The following FAM20A variants were observed in gnomAD, a reference collection of about 807,000 sequenced individuals.
The protein encoded by FAM20A is FAM20A golgi associated secretory pathway pseudokinase.
A neutral mutation model predicts 52.0 loss-of-function variants in FAM20A; 42 were observed. That is an observed-to-expected ratio of 0.81 (90% confidence interval 0.63 to 1.04). The LOEUF is 1.04. Ranked by LOEUF, FAM20A falls within the 50% of genes least tolerant of loss-of-function variation. FAM20A has a pLI of 0.00. For missense variants in FAM20A, 742 were observed against 712.7 expected, an observed-to-expected ratio of 1.04 and a Z score of -0.47; for synonymous variants, 304 against 298.9, an observed-to-expected ratio of 1.02 and a Z score of -0.18.
intron 4 of FAM20A, among the ~76,000 whole-genome samples, chr17:68,549,311 G>A (rs2952313): frequency 0.75 from 114,363 of 152,000 alleles, 44,102 homozygotes; most frequent in African/African-American, 0.93. Context: ...CCTGGCCAAC[G>A]TGGTGAAACC....
Position 68,537,742 on chromosome 17 carries a change from C to G in FAM20A, c.1362-1G>C, listed in dbSNP as rs1209016909. 1 of 1,609,070 alleles carries G rather than the reference C, an allele frequency of 6.2e-7. No individual in the cohort carries two copies. Among genetic ancestry groups the G allele is most frequent in the Non-Finnish European group, 8.5e-7 (1 of 1,177,416 alleles). On this transcript the variant is annotated splice_acceptor_variant, in intron 10 of 10. Transcript: ENST00000592554. LOFTEE classifies it high-confidence loss of function. The surrounding 1 kb of genome is among the most constrained non-coding windows in gnomAD (Gnocchi z 4.2). ...GTGCAAAAGTGTTTTCTTTTTTATC[C>G]TGAAAAGACAAAGTTACAGGAACCA...
In FAM20A at chr17:68,555,454, C is replaced by T. The variant is rs1053244007; in HGVS notation, c.589+105G>A. ...ATATGTTCCTCTTCTCTCAGGTGTC[C>T]ATGTCAAGCCTCTAATGTTCCACTC... is the stretch of plus-strand genomic sequence containing the variant. On this transcript the variant is annotated intron_variant, in intron 2 of 10. Transcript: ENST00000592554. 8 of 1,230,308 alleles carry T rather than the reference C, an allele frequency of 6.5e-6. No individual in the cohort carries two copies. The Admixed American group carries it at 1.2e-4, about 18-fold the overall frequency. The allele number at this position is 1,230,308 out of a possible 1,614,324, so 76.2% of individuals were successfully genotyped here.
At chr17:68,581,487 TTTTTC>T (rs1568774999) in intron 1 of FAM20A, among the ~76,000 whole-genome samples, 3 of 130,786 alleles carry the variant, frequency 2.3e-5, no homozygotes, top group African/African-American at 7.7e-5. Flanking sequence ...TCTTTCTTTC[TTTTTC>T]TTTCTTTCTT....
chr17:68,600,657 G>A lies in FAM20A; in HGVS notation c.10C>T (p.Leu4=). The A allele has an allele frequency of 6.5e-7, 1 of 1,545,856 alleles. No homozygotes were observed. Among genetic ancestry groups the A allele is most frequent in the Non-Finnish European group, 8.7e-7 (1 of 1,152,364 alleles). Residue 4 remains leucine, a synonymous_variant, in exon 1 of 11, where the codon CTG becomes TTG. Coordinates refer to ENST00000592554, the MANE Select transcript of FAM20A (RefSeq NM_017565.4). The surrounding 1 kb of genome is among the most constrained non-coding windows in gnomAD (Gnocchi z 6.2). Reference sequence around the variant, plus strand: ...AGAGTCAGTAGGCGGTCCCGGCGCAGCCCCGGCATGGCGTGCTGGCCAAGG... The same window carrying A: ...AGAGTCAGTAGGCGGTCCCGGCGCAACCCCGGCATGGCGTGCTGGCCAAGG... MPG[L]RRDRLLTLLL...
intron 4 of FAM20A, among the ~76,000 whole-genome samples, chr17:68,549,062 A>G (rs2086711374): frequency 6.6e-6 from 1 of 152,178 alleles, no homozygotes. Flanking sequence ...GACCAGGCAG[A>G]GATGTATTAG....
At position 68,537,780 on chromosome 17, in the gene FAM20A, T is replaced by A; in HGVS notation, c.1362-39A>T. 2.5e-6 allele frequency: 4 copies of A among 1,582,356 alleles called. No individual in the cohort carries two copies. The highest frequency in any genetic ancestry group is 3.4e-6 in the Non-Finnish European group (4 of 1,163,276). ...GTTACAGGAACCAAATAAGCAAATG[T>A]AAAGAAAATAACTTGCCTGAACTTC... On this transcript the variant is annotated intron_variant, in intron 10 of 10. Transcript: ENST00000592554. This position sits in a 1 kb window ranked among gnomAD's most constrained non-coding sequence, Gnocchi z 4.2.
At chr17:68,587,573 C>T (rs780863844) in intron 1 of FAM20A, among the ~76,000 whole-genome samples, 4 of 152,136 alleles carry the variant, frequency 2.6e-5, no homozygotes, top group Admixed American at 6.5e-5. Flanking sequence ...TGTTTCCTGC[C>T]GAATGTTTTC....
intron 7 of FAM20A, 84 bp from the exon 8 acceptor site, chr17:68,541,042 C>T (rs531666019): frequency 1.9e-6 from 3 of 1,542,042 alleles, no homozygotes; most frequent in Non-Finnish European, 2.6e-6. Context: ...CCTGCCCCCC[C>T]AATCCCTGCC....
At chr17:68,548,566 A>G (rs1228507151) in intron 4 of FAM20A, among the ~76,000 whole-genome samples, 1 of 151,976 alleles carries the variant, frequency 6.6e-6, no homozygotes. Flanking sequence ...AGAATTACCA[A>G]ATGTGACACA....
At chr17:68,582,780 A>ATTTTTTTTTTTTTT (rs34025800) in intron 1 of FAM20A, among the ~76,000 whole-genome samples, 1 of 79,810 alleles carries the variant, frequency 1.3e-5, no homozygotes, top group Non-Finnish European at 2.2e-5. Flanking sequence ...GCCAGGATTA[A>ATTTTTTTTTTTTTT]TTTTTTTTTT....
At chr17:68,587,175 G>A (rs1424223890) in intron 1 of FAM20A, among the ~76,000 whole-genome samples, 1 of 152,192 alleles carries the variant, frequency 6.6e-6, no homozygotes, top group Non-Finnish European at 1.5e-5. Flanking sequence ...CGGGATTATA[G>A]GCATGAGCCA....
intron 1 of FAM20A, among the ~76,000 whole-genome samples, chr17:68,596,504 T>A (rs147845152): frequency 5.0e-4 from 76 of 152,328 alleles, no homozygotes; most frequent in African/African-American, 1.8e-3. Flanking sequence ...CTTGGGCAGC[T>A]TGTGGGCCAG....
Position 68,536,206 on chromosome 17 carries a change from C to T in FAM20A, c.*1271G>A. 1 of 454,090 alleles carries T rather than the reference C, an allele frequency of 2.2e-6. No individual in the cohort carries two copies. Among genetic ancestry groups the T allele is most frequent in the Non-Finnish European group, 4.4e-6 (1 of 226,786 alleles). 28.1% of individuals were successfully genotyped at this position (454,090 alleles called of 1,614,324 possible). ...GCTTGGAGACATTTCTGGTTCTTGA[C>T]CTTGTACTCTCTTTAGTGACAGCTC... On this transcript the variant is annotated 3_prime_UTR_variant, in exon 11 of 11. Coordinates refer to ENST00000592554, the MANE Select transcript of FAM20A (RefSeq NM_017565.4).
intron 4 of FAM20A, 45 bp from the exon 5 acceptor site, chr17:68,543,766 G>A (rs1233931025): frequency 1.3e-6 from 2 of 1,530,954 alleles, no homozygotes; most frequent in Admixed American, 3.3e-5. Context: ...GACTTCAGCT[G>A]GGAGCCTGAG....
chr17:68,575,550 TAA>T (rs1491589292), intron 1 of FAM20A, among the ~76,000 whole-genome samples: 3 of 110,558 alleles, frequency 2.7e-5, no homozygotes, highest in Non-Finnish European at 5.2e-5. Flanking sequence ...ATATATTATA[TAA>T]TATATATTTT....
intron 1 of FAM20A, among the ~76,000 whole-genome samples, chr17:68,572,984 C>T (rs72849715): frequency 5.0e-4 from 76 of 152,284 alleles, no homozygotes; most frequent in Non-Finnish European, 9.4e-4. Context: ...TCTCATGTCA[C>T]CTCCCCAAAG....
At chr17:68,554,163 C>T in intron 3 of FAM20A, among the ~76,000 whole-genome samples, 1 of 151,796 alleles carries the variant, frequency 6.6e-6, no homozygotes, top group East Asian at 1.9e-4. Context: ...TGGAGTCTCA[C>T]TGTGTTGCCT....
In FAM20A at chr17:68,542,275, T is replaced by C. The variant is rs568633790; in HGVS notation, c.929-110A>G. The C allele has an allele frequency of 5.9e-6, 7 of 1,189,932 alleles. No homozygotes were observed. In the South Asian group the frequency reaches 9.1e-5, roughly 16 times the overall value. The allele number at this position is 1,189,932 out of a possible 1,614,324, so 73.7% of individuals were successfully genotyped here. ...GGAAGGGAAACCCTGAACTCACAGC[T>C]CGGGAAGAGAAAGAAGAAGAAGGAA... On this transcript the variant is annotated intron_variant, in intron 6 of 10. Transcript: ENST00000592554.
At chr17:68,573,466 TCTTTCTTTCTCTTTCTTTCTTTC>T (rs2087628056) in intron 1 of FAM20A, among the ~76,000 whole-genome samples, 1 of 151,234 alleles carries the variant, frequency 6.6e-6, no homozygotes, top group Non-Finnish European at 1.5e-5. Context: ...CTTCTTTCTT[TCTTTCTTTCTCTTTCTTTCTTTC>T]CTTTCTTTCT....
Sources: allele counts gnomAD v4.1 joint callset (sites outside exome capture counted in the v4.1 genomes callset), GRCh38; gene constraint gnomAD v4.1.1; non-coding constraint Gnocchi (gnomAD v3.1); transcripts MANE v1.5; gene names NCBI Gene and HGNC (gene_info 2026-07-23, HGNC 2026-07-21).